PCDH15: variants seen among roughly 807,000 people sequenced by gnomAD.
The protein encoded by PCDH15 is protocadherin-15.
A neutral mutation model predicts 178.5 loss-of-function variants in PCDH15; 129 were observed. The observed-to-expected ratio is 0.72, with a 90% CI of 0.63 to 0.84. PCDH15 has a LOEUF of 0.84. PCDH15 is among the 40% of genes least tolerant of loss of function. PCDH15 has a pLI of 0.00. For missense variants in PCDH15, 2,230 were observed against 2,099.9 expected (o/e 1.06, Z -1.21); for synonymous variants, 800 against 732.0 (o/e 1.09, Z -1.50).
At chr10:55,190,598 A>G (rs190744930) in intron 1 of PCDH15, among the ~76,000 whole-genome samples, 3 of 151,764 alleles carry the variant, frequency 2.0e-5, no homozygotes, top group Non-Finnish European at 1.5e-5. Flanking sequence ...ATACTGTTTA[A>G]TAATAATTTA....
At chr10:54,711,751 T>C (rs556182844) in intron 1 of PCDH15, among the ~76,000 whole-genome samples, 31 of 123,784 alleles carry the variant, frequency 2.5e-4, no homozygotes, top group Non-Finnish European at 4.7e-4. Context: ...TTTGAAAAAC[T>C]AATAAAAGTT....
intron 2 of PCDH15, among the ~76,000 whole-genome samples, chr10:54,552,882 T>C (rs11004380): frequency 0.062 from 9,442 of 152,258 alleles, 626 homozygotes; most frequent in East Asian, 0.32. Context: ...TTTTTATTTT[T>C]CCATGAAATG....
chr10:55,369,160 T>C (rs1845436674), intron 2 of PCDH15, among the ~76,000 whole-genome samples: 2 of 151,900 alleles, frequency 1.3e-5, no homozygotes, highest in Non-Finnish European at 2.9e-5. Context: ...CCTTATCAAC[T>C]AAAGCAAGTA....
chr10:54,907,331 A>G (rs1460972185), intron 2 of PCDH15, among the ~76,000 whole-genome samples: 3 of 152,178 alleles, frequency 2.0e-5, no homozygotes, highest in African/African-American at 7.2e-5. Context: ...TCTTTTTTAT[A>G]TTCTCCAAAA....
intron 14 of PCDH15, among the ~76,000 whole-genome samples, chr10:54,136,984 G>A (rs1194266684): frequency 6.6e-6 from 1 of 152,088 alleles, no homozygotes; most frequent in African/African-American, 2.4e-5. Context: ...ATAACCACCA[G>A]GCTTCTTGAG....
chr10:55,025,912 G>A (rs1158912907), intron 2 of PCDH15, among the ~76,000 whole-genome samples: 8 of 151,884 alleles, frequency 5.3e-5, no homozygotes, highest in Admixed American at 5.2e-4. Flanking sequence ...GATTACATTT[G>A]ATTTTTACTT....
intron 20 of PCDH15, among the ~76,000 whole-genome samples, chr10:53,998,944 C>G (rs907668248): frequency 6.7e-6 from 1 of 149,824 alleles, no homozygotes; most frequent in African/African-American, 2.5e-5. Flanking sequence ...CCCAGCTACT[C>G]GAGAGGCTGA....
intron 2 of PCDH15, among the ~76,000 whole-genome samples, chr10:55,090,572 G>C (rs988804230): frequency 6.6e-6 from 1 of 152,088 alleles, no homozygotes; most frequent in South Asian, 2.1e-4. Context: ...AGACTAGAAC[G>C]ACTCACCTTC....
At chr10:54,816,415 G>A (rs1952950873) in intron 3 of PCDH15, among the ~76,000 whole-genome samples, 1 of 151,956 alleles carries the variant, frequency 6.6e-6, no homozygotes, top group African/African-American at 2.4e-5. Context: ...GCATTTCAAG[G>A]CACTTTATTA....
At chr10:54,349,706 ACT>A (rs1943875539) in intron 5 of PCDH15, among the ~76,000 whole-genome samples, 1 of 152,148 alleles carries the variant, frequency 6.6e-6, no homozygotes. Context: ...TTTAAAATAA[ACT>A]CTACATTGTA....
chr10:55,070,751 G>T (rs1591877597), intron 2 of PCDH15, among the ~76,000 whole-genome samples: 1 of 152,088 alleles, frequency 6.6e-6, no homozygotes, highest in Non-Finnish European at 1.5e-5. Context: ...GATTGACTTG[G>T]TGATGTGGGC....
At chr10:54,505,527 T>G (rs747414490) in intron 3 of PCDH15, among the ~76,000 whole-genome samples, 24 of 152,062 alleles carry the variant, frequency 1.6e-4, no homozygotes, top group Admixed American at 1.2e-3. Context: ...TAATGAATTC[T>G]CAGCAAATTA....
intron 1 of PCDH15, among the ~76,000 whole-genome samples, chr10:54,673,121 T>C (rs1299504124): frequency 6.6e-6 from 1 of 152,150 alleles, no homozygotes; most frequent in Non-Finnish European, 1.5e-5. Flanking sequence ...GTCCAGAATG[T>C]GTAGGTTTGT....
rs941544162 is a variant in PCDH15 at position 55,275,449 on chromosome 10, C to T, written c.-156+44150G>A. ...AATTTGTTCTTCTATAGTGTCTTCT[C>T]GATGTGCTATGGGTTTTGTTTTTTC... On this transcript the variant is annotated intron_variant, in intron 1 of 5. Coordinates refer to the PCDH15 transcript ENST00000458638. 3.2e-4 allele frequency among the ~76,000 whole-genome samples: 48 copies of T among 151,784 alleles called. 1 individual carries two copies. The highest frequency in any genetic ancestry group is 1.8e-4 in the Non-Finnish European group (12 of 67,978).
intron 21 of PCDH15, among the ~76,000 whole-genome samples, chr10:53,967,908 T>C (rs896721652): frequency 6.6e-6 from 1 of 152,152 alleles, no homozygotes; most frequent in Non-Finnish European, 1.5e-5. Context: ...GGTTCCAAGA[T>C]GGCCAAATAG....
intron 9 of PCDH15, among the ~76,000 whole-genome samples, chr10:54,231,080 G>C (rs1290181563): frequency 6.6e-6 from 1 of 152,130 alleles, no homozygotes. Flanking sequence ...ATATGATTAA[G>C]GGGTCTACAG....
At chr10:54,412,933 T>C (rs895993990) in intron 3 of PCDH15, among the ~76,000 whole-genome samples, 1 of 152,190 alleles carries the variant, frequency 6.6e-6, no homozygotes, top group Non-Finnish European at 1.5e-5. Context: ...CAGGCAACAC[T>C]TGTGCTATCA....
intron 3 of PCDH15, among the ~76,000 whole-genome samples, chr10:54,849,628 G>A (rs1381329940): frequency 1.3e-5 from 2 of 152,080 alleles, no homozygotes; most frequent in Non-Finnish European, 2.9e-5. Context: ...ATGATGATGG[G>A]TGCATTAGTT....
chr10:53,928,970 G>A (rs1043305284), intron 25 of PCDH15, among the ~76,000 whole-genome samples: 2 of 152,002 alleles, frequency 1.3e-5, no homozygotes, highest in African/African-American at 2.4e-5. Flanking sequence ...ATAAGAAGGA[G>A]AACTATTTTA....
Sources: allele counts gnomAD v4.1 joint callset (sites outside exome capture counted in the v4.1 genomes callset), GRCh38; gene constraint gnomAD v4.1.1; transcripts MANE v1.5; gene names NCBI Gene and HGNC (gene_info 2026-07-23, HGNC 2026-07-21).